DCDC1: variants seen among roughly 807,000 people sequenced by gnomAD.
DCDC1 encodes doublecortin domain-containing protein 1.
A neutral mutation model predicts 178.3 loss-of-function variants in DCDC1; 200 were observed. The ratio of observed to expected loss-of-function variants is 1.12; its 90% CI spans 1.00 to 1.26. The LOEUF (loss-of-function observed/expected upper bound fraction) is 1.26, where lower values mean the gene tolerates loss of function less well. DCDC1 is among the 50% of genes most tolerant of loss of function. The pLI is 0.00. For missense variants in DCDC1, 1,983 were observed against 1,749.2 expected (o/e 1.13, Z -2.38); for synonymous variants, 690 against 604.8 (o/e 1.14, Z -2.07).
chr11:31,114,793 C>T (rs989304871), intron 11 of DCDC1, among the ~76,000 whole-genome samples: 2 of 152,094 alleles, frequency 1.3e-5, no homozygotes, highest in Non-Finnish European at 2.9e-5. Context: ...AAGGATCTGA[C>T]TTATTAACAC....
chr11:31,250,534 T>C (rs1286635413), intron 8 of DCDC1, among the ~76,000 whole-genome samples: 1 of 149,134 alleles, frequency 6.7e-6, no homozygotes, highest in African/African-American at 2.5e-5. Flanking sequence ...CCTTAAAGAA[T>C]AGATTTCCGT....
chr11:30,935,252 T>C (rs967679230), intron 21 of DCDC1, among the ~76,000 whole-genome samples: 5 of 152,190 alleles, frequency 3.3e-5, no homozygotes, highest in Non-Finnish European at 7.4e-5. Context: ...TAGTCCATCA[T>C]ACGTCATCCC....
chr11:31,305,874 C>A, intron 5 of DCDC1, 97 bp from the exon 6 acceptor site: 2 of 1,367,946 alleles, frequency 1.5e-6, no homozygotes, highest in East Asian at 2.4e-5. Flanking sequence ...AATAGAAACC[C>A]AATTGAGTCA....
At chr11:31,086,613 A>G (rs889394388) in intron 17 of DCDC1, among the ~76,000 whole-genome samples, 20 of 152,098 alleles carry the variant, frequency 1.3e-4, no homozygotes, top group African/African-American at 4.8e-4. Flanking sequence ...TATCTGAGAA[A>G]GTTTTGCCTA....
intron 9 of DCDC1, among the ~76,000 whole-genome samples, chr11:31,191,169 A>G (rs1230270495): frequency 6.6e-6 from 1 of 152,140 alleles, no homozygotes; most frequent in African/African-American, 2.4e-5. Context: ...GACCAAATAA[A>G]GATCTGTACA....
chr11:31,300,007 G>A (rs769368274), intron 6 of DCDC1, among the ~76,000 whole-genome samples: 11 of 151,984 alleles, frequency 7.2e-5, no homozygotes, highest in South Asian at 2.1e-4. Context: ...ACAGGCTCGC[G>A]CCACCATGCC....
Position 30,899,617 on chromosome 11 carries a change from C to T in DCDC1, c.4689G>A (p.Glu1563=). ...TGTCCTTTTTTAGCCAGTTCTGTTT[C>T]TCTAATTTTTCTGCTTTCTGCAAAG... ...PNALQKAEKL[E]KQNWLKKDRI... The change falls in exon 34 of 39, where the codon GAG becomes GAA. Residue 1563 remains glutamate (E), a synonymous_variant. Coordinates refer to ENST00000684477, the MANE Select transcript of DCDC1 (RefSeq NM_001387274.1). 1 of 1,569,396 alleles carries T rather than the reference C, an allele frequency of 6.4e-7. No homozygotes were observed. Among genetic ancestry groups the T allele is most frequent in the Non-Finnish European group, 8.6e-7 (1 of 1,157,268 alleles).
rs1401173090 is a variant in DCDC1 at position 30,915,530 on chromosome 11, T to C, written c.3634A>G (p.Ile1212Val). The C allele has an allele frequency of 6.2e-7, 1 of 1,613,930 alleles. No individual in the cohort carries two copies. The highest frequency in any genetic ancestry group is 8.5e-7 in the Non-Finnish European group (1 of 1,179,834). Residue 1212 changes from isoleucine to valine, a missense_variant, in exon 27 of 39, where the codon ATA (isoleucine) becomes GTA (valine). Physicochemically the swap from Ile to Val is conservative, Grantham distance 29. Transcript: ENST00000684477. ...KKSDGSHQRW[I>V]HQEDSRTFHL... ...GATTACCTGCTGTCTTCCTGGTGTA[T>C]CCAGCGCTGATGACTACCATCAGAT...
chr11:31,066,014 G>C (rs765581169), intron 18 of DCDC1, among the ~76,000 whole-genome samples: 24 of 152,250 alleles, frequency 1.6e-4, no homozygotes, highest in African/African-American at 4.3e-4. Context: ...TAGCATAAAG[G>C]GGGGGATATA....
intron 9 of DCDC1, among the ~76,000 whole-genome samples, chr11:31,184,717 A>G (rs542198373): frequency 3.0e-4 from 46 of 152,364 alleles, no homozygotes; most frequent in Non-Finnish European, 5.9e-4. Flanking sequence ...CCACAATGAG[A>G]TACCATCTCA....
rs1944572781 is a variant in DCDC1, at chr11:30,900,441, C to T, written c.4568G>A (p.Ser1523Asn). 6.4e-7 allele frequency: 1 copy of T among 1,566,596 alleles called. No homozygotes were observed. The highest frequency in any genetic ancestry group is 1.2e-5 in the South Asian group (1 of 82,414). Residue 1523 changes from serine to asparagine, a missense_variant, in exon 33 of 39, where the codon AGT becomes AAT. Coordinates refer to ENST00000684477, the MANE Select transcript of DCDC1 (RefSeq NM_001387274.1). ...RLFAKSVTSD[S>N]LDGIDKSLLT... ...CAAAGACTTGTCTATACCATCCAAACTATCGGATGTCACAGATTTTGCAAA... is the reference window on the plus strand; with the variant it reads ...CAAAGACTTGTCTATACCATCCAAATTATCGGATGTCACAGATTTTGCAAA...
At chr11:30,899,847 C>A (rs1160894707) in intron 33 of DCDC1, among the ~76,000 whole-genome samples, 1 of 151,934 alleles carries the variant, frequency 6.6e-6, no homozygotes, top group Non-Finnish European at 1.5e-5. Flanking sequence ...AAAAGAAGAA[C>A]GATGCTGTTT....
At chr11:31,250,977 T>C (rs1591541862) in intron 8 of DCDC1, among the ~76,000 whole-genome samples, 1 of 152,136 alleles carries the variant, frequency 6.6e-6, no homozygotes, top group African/African-American at 2.4e-5. Context: ...ATGGTCTCAA[T>C]CTCTTGACCT....
intron 9 of DCDC1, among the ~76,000 whole-genome samples, chr11:31,162,341 T>A (rs1966384523): frequency 6.6e-6 from 1 of 152,116 alleles, no homozygotes; most frequent in Non-Finnish European, 1.5e-5. Context: ...AATCAAGCCT[T>A]ATAATATAGC....
At chr11:31,097,324 C>T (rs1056461454) in intron 15 of DCDC1, among the ~76,000 whole-genome samples, 3 of 152,116 alleles carry the variant, frequency 2.0e-5, no homozygotes, top group East Asian at 1.9e-4. Flanking sequence ...AAACAGAACA[C>T]GAGACAATGA....
intron 1 of DCDC1, among the ~76,000 whole-genome samples, chr11:31,337,356 T>C (rs1030605157): frequency 3.3e-5 from 5 of 152,240 alleles, no homozygotes; most frequent in Non-Finnish European, 5.9e-5. Context: ...CTAAGCTTTT[T>C]AACAACACTT....
chr11:30,894,532 G>A, intron 34 of DCDC1, 148 bp from the exon 35 acceptor site: 1 of 1,147,628 alleles, frequency 8.7e-7, no homozygotes, highest in African/African-American at 1.6e-5. Context: ...GATGCCTAAG[G>A]TAATAATATC....
intron 9 of DCDC1, among the ~76,000 whole-genome samples, chr11:31,146,214 T>G (rs868687631): frequency 6.6e-6 from 1 of 151,884 alleles, no homozygotes; most frequent in South Asian, 2.1e-4. Context: ...TAGGATTACC[T>G]GCTTGAACCA....
chr11:31,191,553 T>A (rs1446998586), intron 9 of DCDC1, among the ~76,000 whole-genome samples: 1 of 152,048 alleles, frequency 6.6e-6, no homozygotes, highest in Non-Finnish European at 1.5e-5. Flanking sequence ...TTTTGTTGAT[T>A]GATAATGGTA....
Sources: gnomAD v4.1 joint callset for allele counts (sites outside exome capture counted in the v4.1 genomes callset) on GRCh38, gnomAD v4.1.1 for gene constraint, MANE v1.5 for transcripts, NCBI Gene and HGNC (gene_info 2026-07-23, HGNC 2026-07-21) for gene names.